PCDH9: variants seen among roughly 807,000 people sequenced by gnomAD.
PCDH9 encodes protocadherin-9.
PCDH9 carries 24 observed loss-of-function variants against 70.6 expected under a neutral mutation model. That is an observed-to-expected ratio of 0.34 (90% confidence interval 0.25 to 0.48). The LOEUF (loss-of-function observed/expected upper bound fraction) is 0.48, where lower values mean the gene tolerates loss of function less well. PCDH9 is among the 20% of genes least tolerant of loss of function. The pLI is 0.99. For missense variants in PCDH9, 1,281 were observed against 1,503.6 expected (o/e 0.85, Z 2.45); for synonymous variants, 562 against 558.5 (o/e 1.01, Z -0.09).
At chr13:66,669,040 T>TA (rs2078135419) in intron 3 of PCDH9, among the ~76,000 whole-genome samples, 4 of 152,296 alleles carry the variant, frequency 2.6e-5, no homozygotes, top group African/African-American at 9.6e-5. Context: ...GCTTTAAATT[T>TA]GACTTGACCT....
At chr13:66,888,556 TA>T (rs146814865) in intron 3 of PCDH9, among the ~76,000 whole-genome samples, 20,521 of 149,164 alleles carry the variant, frequency 0.14, 1,709 homozygotes, top group Non-Finnish European at 0.19. Flanking sequence ...AAAAAATAAA[TA>T]AAAAAAAGAA....
At chr13:66,913,251 G>A (rs760142634) in intron 2 of PCDH9, among the ~76,000 whole-genome samples, 15 of 152,012 alleles carry the variant, frequency 9.9e-5, no homozygotes, top group Non-Finnish European at 1.5e-4. Context: ...CATAGAGAAT[G>A]GGGTGGGGGA....
At chr13:66,322,326 T>G (rs2138091892) in intron 4 of PCDH9, among the ~76,000 whole-genome samples, 1 of 152,056 alleles carries the variant, frequency 6.6e-6, no homozygotes, top group Middle Eastern at 3.4e-3. Flanking sequence ...TGATCAGTAT[T>G]GATTGTGAAA....
At chr13:66,435,365 A>G (rs1343054461) in intron 4 of PCDH9, among the ~76,000 whole-genome samples, 1 of 152,158 alleles carries the variant, frequency 6.6e-6, no homozygotes. Flanking sequence ...GACATTATCT[A>G]GAGCATATAA....
chr13:67,146,284 T>C (rs1020432984), intron 2 of PCDH9, among the ~76,000 whole-genome samples: 8 of 152,174 alleles, frequency 5.3e-5, no homozygotes, highest in Non-Finnish European at 8.8e-5. Context: ...GATAACTTAT[T>C]ACAAATTAAG....
intron 4 of PCDH9, among the ~76,000 whole-genome samples, chr13:66,518,692 A>G (rs913093458): frequency 5.3e-5 from 8 of 152,166 alleles, no homozygotes; most frequent in Non-Finnish European, 1.0e-4. Context: ...GTTTATGGGT[A>G]ACATAAATTT....
chr13:66,705,237 A>T (rs1227835814), intron 3 of PCDH9, among the ~76,000 whole-genome samples: 1 of 152,206 alleles, frequency 6.6e-6, no homozygotes, highest in Non-Finnish European at 1.5e-5. Flanking sequence ...GCACATGTGC[A>T]TGCCAAGACA....
chr13:66,883,901 T>A (rs2081964408), intron 3 of PCDH9, among the ~76,000 whole-genome samples: 1 of 145,224 alleles, frequency 6.9e-6, no homozygotes. Flanking sequence ...AGCGTTCATT[T>A]TTTTTTTTTT....
chr13:67,046,562 G>C (rs2085225634), intron 2 of PCDH9, among the ~76,000 whole-genome samples: 1 of 152,088 alleles, frequency 6.6e-6, no homozygotes, highest in South Asian at 2.1e-4. Context: ...GCGTTGCATG[G>C]AAGTGAGGAT....
chr13:66,631,094 G>A, intron 4 of PCDH9, 116 bp downstream of exon 4: 1 of 650,464 alleles, frequency 1.5e-6, no homozygotes, highest in Non-Finnish European at 2.8e-6. Context: ...CAACAATAAA[G>A]CCAGCAAAAA....
chr13:66,592,246 C>T (rs552210171), intron 4 of PCDH9, among the ~76,000 whole-genome samples: 25 of 151,760 alleles, frequency 1.6e-4, no homozygotes, highest in African/African-American at 5.8e-4. Flanking sequence ...AACACAATTT[C>T]GGTTAACTAG....
intron 2 of PCDH9, among the ~76,000 whole-genome samples, chr13:66,937,395 T>C (rs2082934344): frequency 6.6e-6 from 1 of 152,238 alleles, no homozygotes; most frequent in Admixed American, 6.5e-5. Flanking sequence ...AAAATTGGGA[T>C]CAGATTTCTC....
At chr13:66,724,168 C>T (rs1424965877) in intron 3 of PCDH9, among the ~76,000 whole-genome samples, 3 of 152,170 alleles carry the variant, frequency 2.0e-5, no homozygotes, top group African/African-American at 4.8e-5. Context: ...TTCAGCATCG[C>T]TACATAACAA....
chr13:66,647,019 G>A (rs1384495195), intron 3 of PCDH9, among the ~76,000 whole-genome samples: 1 of 152,106 alleles, frequency 6.6e-6, no homozygotes, highest in Non-Finnish European at 1.5e-5. Flanking sequence ...ACCAGCCCTA[G>A]CCAGAGGGGA....
chr13:67,160,598 T>C (rs2087930974), intron 2 of PCDH9, among the ~76,000 whole-genome samples: 1 of 151,866 alleles, frequency 6.6e-6, no homozygotes, highest in Non-Finnish European at 1.5e-5. Flanking sequence ...TATTTTAGGG[T>C]TTATGATTTA....
Position 66,303,054 on chromosome 13 carries a change from A to AT in PCDH9, c.*1600dup, listed in dbSNP as rs910014390. 4 of 152,248 alleles carry AT rather than the reference A, an allele frequency of 2.6e-5. No homozygotes were observed. The highest frequency in any genetic ancestry group is 7.3e-5 in the African/African-American group (3 of 41,374). The allele number at this position is 152,248 out of a possible 1,614,324, so 9.4% of individuals were successfully genotyped here. On this transcript the variant is annotated 3_prime_UTR_variant, in exon 5 of 5. Transcript: ENST00000377865. Reference sequence around the variant, plus strand: ...GAACTGCTATTTACAAAGTAATTTTATTTTTTGGTAAGAACAAATTAACTA... The same window carrying AT: ...GAACTGCTATTTACAAAGTAATTTTATTTTTTTGGTAAGAACAAATTAACTA...
chr13:66,618,414 G>C (rs1174654110), intron 4 of PCDH9, among the ~76,000 whole-genome samples: 1 of 152,098 alleles, frequency 6.6e-6, no homozygotes, highest in Non-Finnish European at 1.5e-5. Flanking sequence ...AGGTAAATTT[G>C]GGGGAGTTTA....
chr13:66,468,405 G>A (rs780271624), intron 4 of PCDH9, among the ~76,000 whole-genome samples: 1 of 152,064 alleles, frequency 6.6e-6, no homozygotes, highest in Non-Finnish European at 1.5e-5. Flanking sequence ...AACCCAGAGT[G>A]AAACTTTTAA....
chr13:66,701,736 G>T, intron 3 of PCDH9, among the ~76,000 whole-genome samples: 1 of 151,922 alleles, frequency 6.6e-6, no homozygotes, highest in African/African-American at 2.4e-5. Flanking sequence ...TCTGTAAGTT[G>T]AATTTTATTT....
Sources: allele counts gnomAD v4.1 joint callset (sites outside exome capture counted in the v4.1 genomes callset), GRCh38; gene constraint gnomAD v4.1.1; transcripts MANE v1.5; gene names NCBI Gene and HGNC (gene_info 2026-07-23, HGNC 2026-07-21).